GALNT13: variants seen among roughly 807,000 people sequenced by gnomAD.
The protein encoded by GALNT13 is UDP-GalNAc:polypeptide N-acetylgalactosaminyltransferase 13.
A neutral mutation model predicts 64.2 loss-of-function variants in GALNT13; 28 were observed. The ratio of observed to expected loss-of-function variants is 0.44; its 90% CI spans 0.32 to 0.60. The LOEUF is 0.60. Ranked by LOEUF, GALNT13 falls within the 20% of genes least tolerant of loss-of-function variation. The probability of loss-of-function intolerance (pLI) is 0.05; values close to 1 mark genes in which losing one functional copy is unlikely to be tolerated. For missense variants in GALNT13, 577 were observed against 669.8 expected (o/e 0.86, Z 1.53); for synonymous variants, 214 against 224.6 (o/e 0.95, Z 0.42).
the GALNT13 span, among the ~76,000 whole-genome samples, chr2:153,722,841 C>G: frequency 6.6e-6 from 1 of 151,078 alleles, no homozygotes; most frequent in East Asian, 2.0e-4. Flanking sequence ...GAGTCCAGGA[C>G]CAGATGGATT....
chr2:154,267,151 G>T (rs1028807193), intron 8 of GALNT13, among the ~76,000 whole-genome samples: 2 of 151,588 alleles, frequency 1.3e-5, no homozygotes, highest in Non-Finnish European at 2.9e-5. Flanking sequence ...ATGTGGGGGG[G>T]AAAAACAACT....
intron 4 of GALNT13, among the ~76,000 whole-genome samples, chr2:154,181,816 C>T (rs891971217): frequency 3.3e-5 from 5 of 151,878 alleles, no homozygotes; most frequent in African/African-American, 4.8e-5. Context: ...TCACCATTTT[C>T]GTCAGTTCCT....
chr2:154,297,874 T>C (rs1465712290), intron 8 of GALNT13, among the ~76,000 whole-genome samples: 7 of 151,272 alleles, frequency 4.6e-5, no homozygotes, highest in African/African-American at 1.4e-4. Context: ...ATACTATCAA[T>C]TGGAAAAAAA....
At chr2:154,167,920 A>G (rs140092335) in intron 4 of GALNT13, among the ~76,000 whole-genome samples, 2 of 152,334 alleles carry the variant, frequency 1.3e-5, no homozygotes, top group East Asian at 3.9e-4. Flanking sequence ...AATGCAGTGT[A>G]AGAGCCTGAC....
At chr2:153,165,900 G>A in the GALNT13 span, among the ~76,000 whole-genome samples, 1 of 152,144 alleles carries the variant, frequency 6.6e-6, no homozygotes, top group Non-Finnish European at 1.5e-5. Flanking sequence ...GGTTTTCTTA[G>A]TGAGGAATAG....
the GALNT13 span, among the ~76,000 whole-genome samples, chr2:153,562,264 C>T: frequency 6.6e-6 from 1 of 152,006 alleles, no homozygotes; most frequent in African/African-American, 2.4e-5. Context: ...CTTTAAGATA[C>T]ACTTAGTTCG....
chr2:153,843,981 G>T, the GALNT13 span, among the ~76,000 whole-genome samples: 4 of 152,186 alleles, frequency 2.6e-5, no homozygotes, highest in Non-Finnish European at 2.9e-5. Context: ...ACCTGTGGCT[G>T]CTCTCACAGG....
chr2:154,219,644 C>A (rs1349223696), intron 4 of GALNT13, among the ~76,000 whole-genome samples: 1 of 152,214 alleles, frequency 6.6e-6, no homozygotes, highest in African/African-American at 2.4e-5. Context: ...CTTACCAACC[C>A]AATCCTGCTC....
chr2:153,567,205 A>G, the GALNT13 span, among the ~76,000 whole-genome samples: 5 of 152,172 alleles, frequency 3.3e-5, no homozygotes, highest in Admixed American at 6.5e-5. Context: ...CAAAAAATAT[A>G]TATTCTGTTC....
At chr2:154,176,059 G>A (rs546819064) in intron 4 of GALNT13, among the ~76,000 whole-genome samples, 1 of 151,888 alleles carries the variant, frequency 6.6e-6, no homozygotes, top group Non-Finnish European at 1.5e-5. Flanking sequence ...TCTCTGAGAG[G>A]CAGAAGTGAT....
At chr2:153,697,385 G>A in the GALNT13 span, among the ~76,000 whole-genome samples, 1 of 152,150 alleles carries the variant, frequency 6.6e-6, no homozygotes, top group African/African-American at 2.4e-5. Context: ...AGAGATAAGA[G>A]CATCCTGGCT....
the GALNT13 span, among the ~76,000 whole-genome samples, chr2:153,638,422 A>AAAGC: frequency 1.4e-4 from 12 of 86,810 alleles, no homozygotes; most frequent in South Asian, 9.2e-4. Context: ...GGTTGCCTGG[A>AAAGC]CACCCGGGAT....
At chr2:153,115,930 C>A in the GALNT13 span, among the ~76,000 whole-genome samples, 3 of 152,120 alleles carry the variant, frequency 2.0e-5, no homozygotes, top group South Asian at 6.2e-4. Flanking sequence ...TTGTGTGACA[C>A]TTTTCCAAGG....
At chr2:153,255,225 G>T in the GALNT13 span, among the ~76,000 whole-genome samples, 2 of 144,204 alleles carry the variant, frequency 1.4e-5, no homozygotes, top group South Asian at 2.3e-4. Flanking sequence ...ATTATGTAAT[G>T]GCCTTCTTTG....
At chr2:154,102,649 A>G (rs1228777351) in intron 3 of GALNT13, among the ~76,000 whole-genome samples, 5 of 152,116 alleles carry the variant, frequency 3.3e-5, no homozygotes, top group Non-Finnish European at 7.4e-5. Flanking sequence ...GTAACCAAAC[A>G]TGACGTGTTC....
At chr2:154,092,269 T>C (rs1298166154) in intron 3 of GALNT13, among the ~76,000 whole-genome samples, 1 of 151,970 alleles carries the variant, frequency 6.6e-6, no homozygotes, top group Non-Finnish European at 1.5e-5. Context: ...TAGGAATTGC[T>C]GTACGTTGCT....
chr2:154,372,418 G>T (rs1697748456), intron 9 of GALNT13, among the ~76,000 whole-genome samples: 3 of 152,020 alleles, frequency 2.0e-5, no homozygotes, highest in South Asian at 2.1e-4. Flanking sequence ...ATAGATTTCT[G>T]GTCCCTGGAG....
the GALNT13 span, among the ~76,000 whole-genome samples, chr2:153,162,572 C>T: frequency 6.6e-6 from 1 of 152,148 alleles, no homozygotes; most frequent in Admixed American, 6.5e-5. Flanking sequence ...GTCACACTTC[C>T]ACTACAACTA....
chr2:153,386,077 G>T, the GALNT13 span, among the ~76,000 whole-genome samples: 5 of 151,916 alleles, frequency 3.3e-5, no homozygotes, highest in East Asian at 1.9e-4. Context: ...ATTTGGGGGG[G>T]TTTTTTGTAG....
Sources: allele counts gnomAD v4.1 joint callset (sites outside exome capture counted in the v4.1 genomes callset), GRCh38; gene constraint gnomAD v4.1.1; transcripts MANE v1.5; gene names NCBI Gene and HGNC (gene_info 2026-07-23, HGNC 2026-07-21).